The following CALN1 variants were observed in gnomAD, a reference collection of about 807,000 sequenced individuals.
CALN1 encodes the protein calcium-binding protein 8.
In CALN1, 17 loss-of-function variants were observed where a neutral mutation model predicts 30.6. The ratio of observed to expected loss-of-function variants is 0.56; its 90% CI spans 0.38 to 0.83. The LOEUF is 0.83. CALN1 is among the 40% of genes least tolerant of loss of function. CALN1 has a pLI of 0.00. For synonymous variants in CALN1, 156 were observed against 131.4 expected (o/e 1.19, Z -1.28); for missense variants, 291 against 354.9 (o/e 0.82, Z 1.45).
rs554526906 is a variant in CALN1, at chr7:71,966,264, G to A, written c.501+57393C>T. Among the ~76,000 whole-genome samples, 67 of 152,304 alleles carry A rather than the reference G, an allele frequency of 4.4e-4. No individual in the cohort carries two copies. The South Asian group carries it at 0.011, about 24-fold the overall frequency. ...GTATAACTTTACTTGCAAAATAAGT[G>A]GCAAGCTGGACATGGCCTGTGAACC... On this transcript the variant is annotated intron_variant, in intron 5 of 6. Transcript: ENST00000395275.
At chr7:72,285,088 T>C (rs1282154918) in intron 2 of CALN1, among the ~76,000 whole-genome samples, 4 of 152,192 alleles carry the variant, frequency 2.6e-5, no homozygotes, top group Non-Finnish European at 4.4e-5. Flanking sequence ...CATTTGTTGC[T>C]GGTCTGCAGT....
At chr7:72,198,815 T>C (rs1217220298) in intron 3 of CALN1, among the ~76,000 whole-genome samples, 1 of 152,130 alleles carries the variant, frequency 6.6e-6, no homozygotes, top group East Asian at 1.9e-4. Context: ...CTTGCTTTCA[T>C]TTGGGATGGG....
At chr7:72,201,231 C>T (rs771151648) in intron 3 of CALN1, among the ~76,000 whole-genome samples, 20 of 152,136 alleles carry the variant, frequency 1.3e-4, no homozygotes, top group Non-Finnish European at 2.9e-4. Flanking sequence ...ATATTAGGTA[C>T]TCACAGACAC....
chr7:72,411,283 T>C (rs1807125112), intron 1 of CALN1, among the ~76,000 whole-genome samples: 1 of 152,160 alleles, frequency 6.6e-6, no homozygotes, highest in Non-Finnish European at 1.5e-5. Flanking sequence ...TTCAAGTTAC[T>C]TTAGAACATA....
At chr7:72,149,962 G>GA (rs530466921) in intron 3 of CALN1, among the ~76,000 whole-genome samples, 2,963 of 144,808 alleles carry the variant, frequency 0.02, 88 homozygotes, top group African/African-American at 0.069. Context: ...TAAAAATACA[G>GA]AAAAAAAAAA....
At chr7:71,853,073 A>C (rs1790742386) in intron 5 of CALN1, among the ~76,000 whole-genome samples, 1 of 151,562 alleles carries the variant, frequency 6.6e-6, no homozygotes, top group African/African-American at 2.4e-5. Flanking sequence ...TTAAACACTT[A>C]TTATTATTTG....
chr7:72,407,291 T>C (rs1428841299), intron 1 of CALN1, among the ~76,000 whole-genome samples: 4 of 152,210 alleles, frequency 2.6e-5, no homozygotes, highest in African/African-American at 4.8e-5. Flanking sequence ...TTTAAAGTTA[T>C]TGTAAAGTGT....
intron 5 of CALN1, among the ~76,000 whole-genome samples, chr7:71,974,342 C>T (rs964625909): frequency 1.5e-5 from 2 of 130,818 alleles, no homozygotes; most frequent in South Asian, 2.7e-4. Context: ...TGCTTGAACT[C>T]GGGAGGGGGA....
At chr7:72,150,508 T>C (rs919298398) in intron 3 of CALN1, among the ~76,000 whole-genome samples, 1 of 152,148 alleles carries the variant, frequency 6.6e-6, no homozygotes, top group South Asian at 2.1e-4. Context: ...TAAGAGGCTC[T>C]CCCTTGAGAT....
intron 2 of CALN1, among the ~76,000 whole-genome samples, chr7:72,348,304 G>A (rs1802748577): frequency 6.6e-6 from 1 of 152,184 alleles, no homozygotes; most frequent in Admixed American, 6.5e-5. Context: ...AATTACGTGT[G>A]TCCTGCAACT....
At chr7:72,320,361 G>T (rs1260394327) in intron 2 of CALN1, among the ~76,000 whole-genome samples, 2 of 152,152 alleles carry the variant, frequency 1.3e-5, no homozygotes, top group African/African-American at 4.8e-5. Context: ...AAGTGCGGGA[G>T]GATTCAGGGA....
intron 5 of CALN1, among the ~76,000 whole-genome samples, chr7:72,005,850 T>C (rs1308810167): frequency 6.6e-6 from 1 of 152,144 alleles, no homozygotes; most frequent in Admixed American, 6.6e-5. Context: ...ACAGGGGTGA[T>C]GGAATTGTTC....
At chr7:72,340,712 T>C (rs1802338308) in intron 2 of CALN1, among the ~76,000 whole-genome samples, 1 of 152,098 alleles carries the variant, frequency 6.6e-6, no homozygotes, top group Non-Finnish European at 1.5e-5. Flanking sequence ...CTGTGTCCCC[T>C]CCCAAATCAC....
At chr7:71,844,093 C>G (rs900428744) in intron 5 of CALN1, among the ~76,000 whole-genome samples, 1 of 152,140 alleles carries the variant, frequency 6.6e-6, no homozygotes, top group Non-Finnish European at 1.5e-5. Flanking sequence ...AAGGAGCACA[C>G]TGCGATATGA....
chr7:71,917,972 C>G (rs183092282), intron 5 of CALN1, among the ~76,000 whole-genome samples: 1 of 152,140 alleles, frequency 6.6e-6, no homozygotes, highest in Middle Eastern at 3.2e-3. Flanking sequence ...TCCAGAGTCA[C>G]GACCAAATGT....
At chr7:72,016,248 C>CAAAAAAAAAAAAAA (rs1216381592) in intron 5 of CALN1, among the ~76,000 whole-genome samples, 1 of 73,382 alleles carries the variant, frequency 1.4e-5, no homozygotes. Context: ...GACTCCATCT[C>CAAAAAAAAAAAAAA]AAAAAAAAAA....
chr7:72,079,577 C>T (rs1368184963), intron 4 of CALN1, among the ~76,000 whole-genome samples: 1 of 152,026 alleles, frequency 6.6e-6, no homozygotes, highest in East Asian at 1.9e-4. Flanking sequence ...AATGCTGAAA[C>T]TTAATGAAGG....
intron 3 of CALN1, among the ~76,000 whole-genome samples, chr7:72,266,166 C>G (rs1052595390): frequency 1.3e-5 from 2 of 151,900 alleles, no homozygotes; most frequent in South Asian, 2.1e-4. Flanking sequence ...CTACAATGTA[C>G]CCCCATCTCC....
At chr7:72,256,331 G>A (rs559484283) in intron 3 of CALN1, among the ~76,000 whole-genome samples, 119 of 152,158 alleles carry the variant, frequency 7.8e-4, no homozygotes, top group Non-Finnish European at 1.3e-3. Context: ...GTTGTGACAT[G>A]GGCCTGTGGT....
Sources: gnomAD v4.1 joint callset for allele counts (sites outside exome capture counted in the v4.1 genomes callset) on GRCh38, gnomAD v4.1.1 for gene constraint, MANE v1.5 for transcripts, NCBI Gene and HGNC (gene_info 2026-07-23, HGNC 2026-07-21) for gene names.